The following DMTN variants were observed in gnomAD, a reference collection of about 807,000 sequenced individuals.
DMTN encodes the protein dematin.
A neutral mutation model predicts 59.4 loss-of-function variants in DMTN; 27 were observed. The ratio of observed to expected loss-of-function variants is 0.45; its 90% CI spans 0.33 to 0.63. DMTN has a LOEUF of 0.63. DMTN is among the 20% of genes least tolerant of loss of function. The pLI, the probability that DMTN is intolerant of heterozygous loss-of-function variation, is 0.02. For missense variants in DMTN, 451 were observed against 528.9 expected (o/e 0.85, Z 1.45); for synonymous variants, 221 against 203.7 (o/e 1.08, Z -0.72).
chr8:22,075,009 A>G (rs1818579524), intron 10 of DMTN, among the ~76,000 whole-genome samples: 1 of 151,904 alleles, frequency 6.6e-6, no homozygotes, highest in Non-Finnish European at 1.5e-5. Flanking sequence ...CAATATGGTA[A>G]AACCCCGTCT....
intron 1 of DMTN, among the ~76,000 whole-genome samples, chr8:22,065,299 G>T (rs1265068823): frequency 6.6e-6 from 1 of 152,160 alleles, no homozygotes; most frequent in East Asian, 1.9e-4. Flanking sequence ...CTCCCACATA[G>T]CTCTTATTGT....
chr8:22,071,405 A>C (rs1287555135), intron 8 of DMTN, among the ~76,000 whole-genome samples: 1 of 148,984 alleles, frequency 6.7e-6, no homozygotes, highest in Non-Finnish European at 1.5e-5. Flanking sequence ...TCTCTTTTTA[A>C]ATGTTGAGAC....
intron 7 of DMTN, 34 bp downstream of exon 7, chr8:22,069,971 C>G: frequency 1.2e-6 from 2 of 1,612,598 alleles, no homozygotes; most frequent in Non-Finnish European, 1.7e-6. Flanking sequence ...GAGCCTGCTT[C>G]CGGCTGCATG....
upstream of DMTN, among the ~76,000 whole-genome samples, chr8:22,051,143 C>A (rs1801313671): frequency 6.6e-6 from 1 of 152,112 alleles, no homozygotes. Flanking sequence ...GCTAATAGCC[C>A]CTTGCCGTTG....
chr8:22,055,337 C>G (rs1431036112), upstream of DMTN: 1 of 152,332 alleles, frequency 6.6e-6, no homozygotes, highest in Non-Finnish European at 1.5e-5. Context: ...GGTGTCAAAG[C>G]CCCAAGTACC....
chr8:22,077,047 C>T (rs1010402669), intron 10 of DMTN, among the ~76,000 whole-genome samples: 1 of 60,188 alleles, frequency 1.7e-5, no homozygotes, highest in African/African-American at 3.9e-5. Context: ...GCTGTATGTC[C>T]ACAGCTGGGG....
chr8:22,062,571 C>A (rs1340354377), intron 1 of DMTN, among the ~76,000 whole-genome samples: 1 of 152,148 alleles, frequency 6.6e-6, no homozygotes, highest in African/African-American at 2.4e-5. Context: ...ACATTAAAGG[C>A]CTTAGGCCAA....
intron 1 of DMTN, among the ~76,000 whole-genome samples, chr8:22,062,537 G>A (rs760527212): frequency 3.6e-4 from 55 of 152,064 alleles, no homozygotes; most frequent in Non-Finnish European, 6.0e-4. Flanking sequence ...CCTGTCTACC[G>A]TTCTCTCTCT....
At chr8:22,056,613 G>A (rs1378709574), upstream of DMTN, among the ~76,000 whole-genome samples, 1 of 148,886 alleles carries the variant, frequency 6.7e-6, no homozygotes, top group South Asian at 2.1e-4. Flanking sequence ...GGGAAAGGGA[G>A]AGGACAGTGC....
At chr8:22,078,001 G>A (rs1179427643) in intron 10 of DMTN, among the ~76,000 whole-genome samples, 1 of 152,272 alleles carries the variant, frequency 6.6e-6, no homozygotes, top group South Asian at 2.1e-4. Context: ...ATAAAAATAA[G>A]TGTTAGGGGT....
At chr8:22,049,123 C>G (rs1242820057), upstream of DMTN, 1 of 150,236 alleles carries the variant, frequency 6.7e-6, no homozygotes, top group African/African-American at 2.4e-5. Context: ...GCCCCAGGCC[C>G]CAGGCCCGAG....
intron 10 of DMTN, among the ~76,000 whole-genome samples, chr8:22,074,746 G>T (rs1031616334): frequency 6.6e-6 from 1 of 152,176 alleles, no homozygotes; most frequent in Non-Finnish European, 1.5e-5. Flanking sequence ...GGGGCAGTGG[G>T]CAGTGAGACC....
At chr8:22,067,267 T>C in intron 3 of DMTN, 108 bp downstream of exon 3, 2 of 1,295,818 alleles carry the variant, frequency 1.5e-6, no homozygotes, top group Non-Finnish European at 2.1e-6. Flanking sequence ...TGGTGGTCCC[T>C]CCGGTGCTGG....
chr8:22,049,188 A>G (rs1305424541), upstream of DMTN: 1 of 142,582 alleles, frequency 7.0e-6, no homozygotes, highest in Admixed American at 6.9e-5. Context: ...CGCGGACGCC[A>G]GGAGCCTCCT....
rs1217339148 is a variant in DMTN at position 22,057,104 on chromosome 8, T to C, written c.-204T>C. ...CTACGCCTCTCGGGCCTCTGTGGCC[T>C]CAGAGCGTCTGGGCCACACTGTCTG... On this transcript the variant is annotated 5_prime_UTR_variant, in exon 1 of 16. Coordinates refer to ENST00000358242, the MANE Select transcript of DMTN (RefSeq NM_001387751.1). 1 of 152,304 alleles carries C rather than the reference T, an allele frequency of 6.6e-6. No individual in the cohort carries two copies. The highest frequency in any genetic ancestry group is 1.5e-5 in the Non-Finnish European group (1 of 68,126). The allele number at this position is 152,304 out of a possible 1,614,324, so 9.4% of individuals were successfully genotyped here.
chr8:22,049,909 G>C (rs1465991449), upstream of DMTN, among the ~76,000 whole-genome samples: 1 of 152,152 alleles, frequency 6.6e-6, no homozygotes, highest in Non-Finnish European at 1.5e-5. Context: ...CCCTCGTCCA[G>C]TGAAAATGGG....
chr8:22,069,124 C>T, intron 5 of DMTN, 64 bp downstream of exon 5: 1 of 1,556,122 alleles, frequency 6.4e-7, no homozygotes, highest in Non-Finnish European at 8.8e-7. Flanking sequence ...AACTCCCTCC[C>T]CTCACACATC....
chr8:22,051,076 C>T (rs957277552), upstream of DMTN, among the ~76,000 whole-genome samples: 2 of 152,172 alleles, frequency 1.3e-5, no homozygotes, highest in Non-Finnish European at 2.9e-5. Context: ...CCCTGCTTGC[C>T]TCTGAGCGCC....
At chr8:22,049,386 G>A (rs1801096675), upstream of DMTN, among the ~76,000 whole-genome samples, 1 of 151,606 alleles carries the variant, frequency 6.6e-6, no homozygotes, top group African/African-American at 2.4e-5. Flanking sequence ...TGGCCCGGGG[G>A]GTAGGGGGCG....
Sources: allele counts gnomAD v4.1 joint callset (sites outside exome capture counted in the v4.1 genomes callset), GRCh38; gene constraint gnomAD v4.1.1; transcripts MANE v1.5; gene names NCBI Gene and HGNC (gene_info 2026-07-23, HGNC 2026-07-21).